Variants in MTTP observed in about 807,000 individuals in gnomAD.
MTTP encodes the protein microsomal triglyceride transfer protein, also known as microsomal triglyceride transfer protein large subunit.
A neutral mutation model predicts 90.6 loss-of-function variants in MTTP; 49 were observed. The ratio of observed to expected loss-of-function variants is 0.54; its 90% CI spans 0.43 to 0.69. The LOEUF is 0.69. MTTP is among the 30% of genes least tolerant of loss of function. The pLI, the probability that MTTP is intolerant of heterozygous loss-of-function variation, is 0.00. For synonymous variants in MTTP, 347 were observed against 384.2 expected (o/e 0.90, Z 1.13); for missense variants, 945 against 1,067.5 (o/e 0.89, Z 1.60).
At chr4:99,566,832 A>G (rs1369645353) in intron 1 of MTTP, among the ~76,000 whole-genome samples, 1 of 152,196 alleles carries the variant, frequency 6.6e-6, no homozygotes, top group Non-Finnish European at 1.5e-5. Context: ...AAAATACAGT[A>G]ATAACTATGA....
intron 1 of MTTP, among the ~76,000 whole-genome samples, chr4:99,579,612 A>T (rs1206863550): frequency 6.6e-6 from 1 of 152,146 alleles, no homozygotes; most frequent in Admixed American, 6.6e-5. Context: ...GAGCACTTCT[A>T]TCATACTATA....
intron 1 of MTTP, among the ~76,000 whole-genome samples, chr4:99,565,772 AAAGT>A (rs1423380949): frequency 6.6e-6 from 1 of 152,298 alleles, no homozygotes; most frequent in East Asian, 1.9e-4. Flanking sequence ...TTCATCTTGG[AAAGT>A]AAGTAGGAGT....
At chr4:99,593,252 A>G (rs1725473619) in intron 6 of MTTP, among the ~76,000 whole-genome samples, 1 of 152,216 alleles carries the variant, frequency 6.6e-6, no homozygotes, top group Non-Finnish European at 1.5e-5. Flanking sequence ...TGTATTAAAA[A>G]TCAATTATTT....
intron 4 of MTTP, 113 bp from the exon 5 acceptor site, chr4:99,591,122 G>C: frequency 1.3e-6 from 1 of 780,294 alleles, no homozygotes; most frequent in South Asian, 1.4e-5. Context: ...TCCTGGGGGA[G>C]AAAAAAAGTC....
intron 15 of MTTP, among the ~76,000 whole-genome samples, chr4:99,613,656 G>A (rs1578254503): frequency 6.6e-6 from 1 of 152,304 alleles, no homozygotes; most frequent in Admixed American, 6.5e-5. Flanking sequence ...AAATTCTCAT[G>A]TATATAAAAT....
intron 3 of MTTP, among the ~76,000 whole-genome samples, chr4:99,588,117 T>A (rs865961345): frequency 6.6e-6 from 1 of 151,904 alleles, no homozygotes; most frequent in Admixed American, 6.6e-5. Context: ...TTGAGACACT[T>A]GTTTGGATAA....
At position 99,582,064 on chromosome 4, in the gene MTTP, GTGA is replaced by G; in HGVS notation, c.228_230del (p.Asp77del). The G allele has an allele frequency of 6.2e-7, 1 of 1,614,164 alleles. No homozygotes were observed. Among genetic ancestry groups the G allele is most frequent in the South Asian group, 1.1e-5 (1 of 91,082 alleles). ...GCCTTACTATGGAGGAATCCTGATG[GTGA>G]TGATGACCAGTTGATCCAAATAACG... On this transcript the variant is annotated inframe_deletion, in exon 2 of 18. Transcript: ENST00000265517.
At chr4:99,579,307 A>T (rs1725040592) in intron 1 of MTTP, among the ~76,000 whole-genome samples, 1 of 152,166 alleles carries the variant, frequency 6.6e-6, no homozygotes, top group Non-Finnish European at 1.5e-5. Flanking sequence ...CCTGCCACCC[A>T]TAGGTACCTC....
rs1392934531 is a variant in MTTP, at chr4:99,591,109, T to C, written c.502-126T>C. On this transcript the variant is annotated intron_variant, in intron 4 of 17. Coordinates refer to ENST00000265517, the MANE Select transcript of MTTP (RefSeq NM_001386140.1). Reference sequence around the variant, plus strand: ...ACCTTGTTCTTGTCTTTGTATCTTATCATCCTGGGGGAGAAAAAAAGTCCC... The same window carrying C: ...ACCTTGTTCTTGTCTTTGTATCTTACCATCCTGGGGGAGAAAAAAAGTCCC... 3 of 733,762 alleles carry C rather than the reference T, an allele frequency of 4.1e-6. No homozygotes were observed. In the African/African-American group the frequency reaches 5.3e-5, roughly 13 times the overall value. 45.5% of individuals were successfully genotyped at this position (733,762 alleles called of 1,614,324 possible).
Position 99,612,816 on chromosome 4 carries a change from C to A in MTTP, c.1990-97C>A, listed in dbSNP as rs41275717. 0.011 allele frequency: 12,864 copies of A among 1,151,888 alleles called. 113 individuals carry two copies. Among genetic ancestry groups the A allele is most frequent in the Middle Eastern group, 0.015 (70 of 4,616 alleles). 71.4% of individuals were successfully genotyped at this position (1,151,888 alleles called of 1,614,324 possible). The stretch of plus-strand genomic sequence containing the variant: ...CTGTTGCAAATATTTAAGTTTTTGG[C>A]CCCTTGAGAAGTTCTAGCTGCAGCT... On this transcript the variant is annotated intron_variant, in intron 14 of 17. Coordinates refer to ENST00000265517, the MANE Select transcript of MTTP (RefSeq NM_001386140.1).
At position 99,622,836 on chromosome 4, in the gene MTTP, C is replaced by T. The variant is rs115222767; in HGVS notation, c.2673C>T (p.Ser891=). 766 of 1,614,044 alleles carry T rather than the reference C, an allele frequency of 4.7e-4. 3 individuals are homozygous for T. The African/African-American group carries it at 8.0e-3, about 17-fold the overall frequency. ...VFAPQPDSTS[S]GWF ...CCCCTCAGCCGGATAGTACTTCCAG[C>T]GGATGGTTTTGAAACTGACCTGTGA... Residue 891 remains serine, a synonymous_variant, in exon 18 of 18, where the codon AGC becomes AGT. Transcript: ENST00000265517.
At position 99,623,545 on chromosome 4, in the gene MTTP, T is replaced by C. The variant is rs532544948; in HGVS notation, c.*697T>C. Reference sequence around the variant, plus strand: ...CTCTACCTCCAGCCCTGCAAAAATATTGGACCTAGCACAGAGGAATCAGGA... The same window carrying C: ...CTCTACCTCCAGCCCTGCAAAAATACTGGACCTAGCACAGAGGAATCAGGA... On this transcript the variant is annotated 3_prime_UTR_variant, in exon 18 of 18. Transcript: ENST00000265517. 2 of 153,368 alleles carry C rather than the reference T, an allele frequency of 1.3e-5. No individual in the cohort carries two copies. The highest frequency in any genetic ancestry group is 2.1e-4 in the South Asian group (1 of 4,872). The allele number at this position is 153,368 out of a possible 1,614,324, so 9.5% of individuals were successfully genotyped here. A position where few individuals can be genotyped will look rare whatever the true frequency, so the allele number is the denominator to read the frequency against.
At chr4:99,571,550 TA>T (rs1020086362), upstream of MTTP, among the ~76,000 whole-genome samples, 37 of 152,016 alleles carry the variant, frequency 2.4e-4, no homozygotes, top group Non-Finnish European at 4.6e-4. Flanking sequence ...TATATATGTA[TA>T]GGGGGTAGAA....
Position 99,622,793 on chromosome 4 carries a change from T to A in MTTP, c.2630T>A (p.Met877Lys). The stretch of plus-strand genomic sequence containing the variant: ...CCGCTCCATCAAGAGAACTCAGAGA[T>A]GTGCAAAGTGGTGTTTGCCCCTCAG... ...EFPLHQENSE[M>K]CKVVFAPQPD... The change falls in exon 18 of 18, where the codon ATG (methionine) becomes AAG (lysine). Residue 877 changes from methionine to lysine, a missense_variant. Met to Lys is a moderately conservative substitution (Grantham distance 95). Coordinates refer to ENST00000265517, the MANE Select transcript of MTTP (RefSeq NM_001386140.1). The A allele has an allele frequency of 1.2e-6, 2 of 1,614,160 alleles. No individual in the cohort carries two copies. Among genetic ancestry groups the A allele is most frequent in the Non-Finnish European group, 1.7e-6 (2 of 1,180,008 alleles).
intron 3 of MTTP, 63 bp downstream of exon 3, chr4:99,583,580 G>T (rs1320804131): frequency 6.3e-7 from 1 of 1,589,100 alleles, no homozygotes; most frequent in East Asian, 2.2e-5. Context: ...CCCTTCAGTA[G>T]ATATTATTTT....
At chr4:99,580,035 CAAAAAAAAAAA>C (rs34092272) in intron 1 of MTTP, among the ~76,000 whole-genome samples, 1 of 60,614 alleles carries the variant, frequency 1.6e-5, no homozygotes, top group Non-Finnish European at 3.3e-5. Flanking sequence ...GACCCTGTCT[CAAAAAAAAAAA>C]AAAAAAAAAA....
chr4:99,573,088 G>A (rs1029038292), upstream of MTTP, among the ~76,000 whole-genome samples: 1 of 152,010 alleles, frequency 6.6e-6, no homozygotes, highest in Non-Finnish European at 1.5e-5. Context: ...ACTTGACAAC[G>A]AATAGTACTT....
intron 6 of MTTP, 53 bp downstream of exon 6, chr4:99,591,843 A>G (rs1442329206): frequency 6.9e-7 from 1 of 1,453,036 alleles, no homozygotes; most frequent in Non-Finnish European, 9.5e-7. Flanking sequence ...TTATATTATT[A>G]TACTTGATTT....
chr4:99,598,043 A>G (rs150686953), intron 8 of MTTP, among the ~76,000 whole-genome samples: 165 of 152,334 alleles, frequency 1.1e-3, no homozygotes, highest in African/African-American at 3.8e-3. Context: ...GAGTTCAAAG[A>G]ACTGAATTCC....
Sources: allele counts gnomAD v4.1 joint callset (sites outside exome capture counted in the v4.1 genomes callset), GRCh38; gene constraint gnomAD v4.1.1; transcripts MANE v1.5; gene names NCBI Gene and HGNC (gene_info 2026-07-23, HGNC 2026-07-21).